The following RCAN2 variants were observed in gnomAD, a reference collection of about 807,000 sequenced individuals.
RCAN2 encodes regulator of calcineurin 2, also known as calcipressin-2.
A neutral mutation model predicts 23.6 loss-of-function variants in RCAN2; 9 were observed. The ratio of observed to expected loss-of-function variants is 0.38; its 90% confidence interval spans 0.23 to 0.67. RCAN2 has a LOEUF of 0.67. Ranked by LOEUF, RCAN2 falls within the 30% of genes least tolerant of loss-of-function variation. RCAN2 has a pLI of 0.51. For synonymous variants in RCAN2, 109 were observed against 115.7 expected (o/e 0.94, Z 0.37); for missense variants, 273 against 302.3 (o/e 0.90, Z 0.72).
At chr6:46,457,370 T>G (rs1223702380) in intron 1 of RCAN2, among the ~76,000 whole-genome samples, 1 of 152,106 alleles carries the variant, frequency 6.6e-6, no homozygotes, top group East Asian at 1.9e-4. Context: ...ATCTCCACAA[T>G]AGTCTATAAG....
chr6:46,263,475 A>ATGTG (rs57316214), intron 2 of RCAN2, among the ~76,000 whole-genome samples: 1 of 138,856 alleles, frequency 7.2e-6, no homozygotes, highest in Admixed American at 7.1e-5. Flanking sequence ...GTGTGTGTGT[A>ATGTG]TGTGTGTGTG....
Position 46,480,310 on chromosome 6 carries a change from G to C in RCAN2, c.-3+10863C>G, listed in dbSNP as rs115631917. On this transcript the variant is annotated intron_variant, in intron 1 of 4. Transcript: ENST00000371374. The stretch of plus-strand genomic sequence containing the variant: ...GAGGACAATATGTGATAACATGTGG[G>C]GTCTTTAGCCAGTGCTTGGTGCTTA... Among the ~76,000 whole-genome samples, 286 of 152,266 alleles carry C rather than the reference G, an allele frequency of 1.9e-3. 3 individuals are homozygous for C. The highest frequency in any genetic ancestry group is 6.8e-3 in the African/African-American group (281 of 41,542).
chr6:46,451,331 G>A (rs1767878074), intron 2 of RCAN2, among the ~76,000 whole-genome samples: 1 of 152,112 alleles, frequency 6.6e-6, no homozygotes, highest in Admixed American at 6.6e-5. Flanking sequence ...AGCAACATCG[G>A]GGGCAGCCCC....
chr6:46,424,840 G>A (rs1379018238), intron 2 of RCAN2, among the ~76,000 whole-genome samples: 1 of 152,118 alleles, frequency 6.6e-6, no homozygotes, highest in Non-Finnish European at 1.5e-5. Context: ...ATATTTCAAT[G>A]TCTTAGATTT....
chr6:46,232,665 T>C (rs1765937716), intron 4 of RCAN2, among the ~76,000 whole-genome samples: 2 of 151,802 alleles, frequency 1.3e-5, no homozygotes, highest in African/African-American at 4.8e-5. Flanking sequence ...TGGTGGTGCA[T>C]GCCTGAAGTC....
intron 4 of RCAN2, among the ~76,000 whole-genome samples, chr6:46,231,790 TC>T (rs770712933): frequency 4.5e-4 from 68 of 152,082 alleles, no homozygotes; most frequent in South Asian, 3.1e-3. Flanking sequence ...CAGTTAAGAG[TC>T]AGAGAAGTCT....
intron 2 of RCAN2, among the ~76,000 whole-genome samples, chr6:46,435,032 G>T (rs570006582): frequency 6.6e-6 from 1 of 152,122 alleles, no homozygotes; most frequent in Non-Finnish European, 1.5e-5. Flanking sequence ...TAAATATGTC[G>T]TTGCGATGCA....
intron 2 of RCAN2, among the ~76,000 whole-genome samples, chr6:46,281,526 G>T (rs551288496): frequency 2.0e-5 from 3 of 152,186 alleles, no homozygotes; most frequent in Non-Finnish European, 4.4e-5. Flanking sequence ...AAGTGAAAAG[G>T]GAGATTTGAA....
At chr6:46,453,580 T>C (rs1767940501) in intron 2 of RCAN2, among the ~76,000 whole-genome samples, 1 of 152,232 alleles carries the variant, frequency 6.6e-6, no homozygotes, top group South Asian at 2.1e-4. Context: ...TTTATCATTT[T>C]GCACAGAACA....
intron 2 of RCAN2, among the ~76,000 whole-genome samples, chr6:46,301,454 C>T (rs998607791): frequency 1.3e-5 from 2 of 152,058 alleles, no homozygotes; most frequent in African/African-American, 4.8e-5. Flanking sequence ...CAATCAAATC[C>T]TCTCTGGCAT....
At position 46,281,855 on chromosome 6, in the gene RCAN2, G is replaced by T. The variant is rs556935934; in HGVS notation, c.226-32959C>A. The stretch of plus-strand genomic sequence containing the variant: ...CCATTTTACAGATAATGAAACTAAG[G>T]CTTATAAGTGGCTAGGTAATTACTT... On this transcript the variant is annotated intron_variant, in intron 2 of 4. Coordinates refer to ENST00000371374, the MANE Select transcript of RCAN2 (RefSeq NM_001251974.2). 5.1e-3 allele frequency among the ~76,000 whole-genome samples: 285 copies of T among 55,898 alleles called. 4 individuals carry two copies. The highest frequency in any genetic ancestry group is 0.028 in the Admixed American group (245 of 8,616). 36.7% of individuals were successfully genotyped at this position (55,898 alleles called of 152,430 possible). A position where few individuals can be genotyped will look rare whatever the true frequency, so the allele number is the denominator to read the frequency against.
intron 1 of RCAN2, among the ~76,000 whole-genome samples, chr6:46,462,717 C>G (rs1486571141): frequency 6.6e-6 from 1 of 152,172 alleles, no homozygotes; most frequent in Non-Finnish European, 1.5e-5. Context: ...TAATTTCTTT[C>G]CTGACAAATG....
intron 2 of RCAN2, among the ~76,000 whole-genome samples, chr6:46,371,652 A>C (rs1187185309): frequency 6.6e-6 from 1 of 152,270 alleles, no homozygotes; most frequent in Non-Finnish European, 1.5e-5. Flanking sequence ...TGAAGGCTAG[A>C]TGCCCATAGT....
chr6:46,409,942 C>G (rs1582179060), intron 2 of RCAN2, among the ~76,000 whole-genome samples: 1 of 152,170 alleles, frequency 6.6e-6, no homozygotes, highest in African/African-American at 2.4e-5. Context: ...CTGTCACCAA[C>G]ATGGGCAGGT....
chr6:46,227,278 G>T (rs1765704507), intron 4 of RCAN2, among the ~76,000 whole-genome samples: 1 of 152,170 alleles, frequency 6.6e-6, no homozygotes, highest in Non-Finnish European at 1.5e-5. Flanking sequence ...CCAGGCTTTG[G>T]TATCAGGATG....
intron 4 of RCAN2, among the ~76,000 whole-genome samples, chr6:46,225,003 A>G (rs1765611011): frequency 6.6e-6 from 1 of 151,136 alleles, no homozygotes; most frequent in Non-Finnish European, 1.5e-5. Context: ...TCATTGTTCA[A>G]TTCCCACCTA....
At chr6:46,304,980 G>C (rs968015785) in intron 2 of RCAN2, among the ~76,000 whole-genome samples, 1 of 152,118 alleles carries the variant, frequency 6.6e-6, no homozygotes, top group African/African-American at 2.4e-5. Flanking sequence ...GAATTATCCA[G>C]TGCTTGTATT....
At chr6:46,407,369 A>G (rs1252703625) in intron 2 of RCAN2, among the ~76,000 whole-genome samples, 1 of 152,244 alleles carries the variant, frequency 6.6e-6, no homozygotes, top group Non-Finnish European at 1.5e-5. Flanking sequence ...CAAAGATCTT[A>G]GCAAAAATGA....
chr6:46,388,540 A>G (rs770761431), intron 2 of RCAN2, among the ~76,000 whole-genome samples: 1 of 152,208 alleles, frequency 6.6e-6, no homozygotes, highest in Admixed American at 6.5e-5. Context: ...AAAGACATGC[A>G]ATCAACCTTA....
Sources: allele counts gnomAD v4.1 joint callset (sites outside exome capture counted in the v4.1 genomes callset), GRCh38; gene constraint gnomAD v4.1.1; transcripts MANE v1.5; gene names NCBI Gene and HGNC (gene_info 2026-07-23, HGNC 2026-07-21).